The following GRIK1 variants were observed in gnomAD, a reference collection of about 807,000 sequenced individuals.
The protein encoded by GRIK1 is glutamate receptor ionotropic, kainate 1.
In GRIK1, 69 loss-of-function variants were observed where a neutral mutation model predicts 105.7. The observed-to-expected ratio is 0.65, with a 90% CI of 0.54 to 0.80. The LOEUF is 0.80. GRIK1 is among the 30% of genes least tolerant of loss of function. The probability of loss-of-function intolerance (pLI) is 0.00; values close to 1 mark genes in which losing one functional copy is unlikely to be tolerated. For synonymous variants in GRIK1, 438 were observed against 431.3 expected (o/e 1.02, Z -0.19); for missense variants, 1,109 against 1,167.3 (o/e 0.95, Z 0.73).
intron 1 of GRIK1, among the ~76,000 whole-genome samples, chr21:29,901,406 C>A (rs1023865635): frequency 2.6e-4 from 40 of 151,608 alleles, no homozygotes; most frequent in African/African-American, 8.7e-4. Context: ...GCTAGCAAAA[C>A]TAATGAAGAA....
chr21:29,606,381 C>T (rs1424490843), intron 7 of GRIK1, among the ~76,000 whole-genome samples: 1 of 152,124 alleles, frequency 6.6e-6, no homozygotes. Context: ...ATCCACCCAT[C>T]AGCTAGGTGT....
chr21:29,553,443 T>C (rs2090170731), intron 16 of GRIK1: 3 of 1,412,442 alleles, frequency 2.1e-6, no homozygotes, highest in South Asian at 1.8e-5. Flanking sequence ...TTTGCTATCC[T>C]AAAGGAATAG....
chr21:29,706,984 C>A (rs897244600), intron 1 of GRIK1, among the ~76,000 whole-genome samples: 2 of 152,174 alleles, frequency 1.3e-5, no homozygotes, highest in African/African-American at 2.4e-5. Context: ...CCTGCCTCGG[C>A]CTCCAAAGTA....
rs1053322052 is a variant in GRIK1 at position 29,911,676 on chromosome 21, T to C, written c.118+27707A>G. 6.8e-4 allele frequency among the ~76,000 whole-genome samples: 103 copies of C among 151,916 alleles called. 1 individual carries two copies. The highest frequency in any genetic ancestry group is 1.0e-3 in the Non-Finnish European group (69 of 67,934). ...TGAGGTCATTAGAGTGGCAGCCCCA[T>C]AATGAGTGAGATTAGTGCCTTCATA... On this transcript the variant is annotated intron_variant, in intron 1 of 17. Transcript: ENST00000327783.
intron 1 of GRIK1, among the ~76,000 whole-genome samples, chr21:29,756,901 C>G (rs144168875): frequency 6.6e-6 from 1 of 152,032 alleles, no homozygotes; most frequent in African/African-American, 2.4e-5. Flanking sequence ...ATCGTCTGAG[C>G]TCAGGAATTG....
At chr21:29,809,655 G>A (rs992484735) in intron 1 of GRIK1, among the ~76,000 whole-genome samples, 5 of 152,124 alleles carry the variant, frequency 3.3e-5, no homozygotes, top group Non-Finnish European at 5.9e-5. Context: ...CTTCCATCAC[G>A]AACTTTTCTC....
At chr21:29,690,328 A>C (rs1038661002) in intron 2 of GRIK1, among the ~76,000 whole-genome samples, 2 of 152,220 alleles carry the variant, frequency 1.3e-5, no homozygotes, top group Non-Finnish European at 2.9e-5. Flanking sequence ...GTTACCAACA[A>C]GCCCTTTGCC....
chr21:29,861,048 C>T (rs941293655), intron 1 of GRIK1, among the ~76,000 whole-genome samples: 3 of 151,062 alleles, frequency 2.0e-5, no homozygotes, highest in African/African-American at 4.9e-5. Flanking sequence ...TTTTAAATTA[C>T]GTATGTGACT....
At chr21:29,711,503 A>G (rs1012511199) in intron 1 of GRIK1, among the ~76,000 whole-genome samples, 1 of 152,026 alleles carries the variant, frequency 6.6e-6, no homozygotes, top group Non-Finnish European at 1.5e-5. Flanking sequence ...AGGAATCAGT[A>G]ACCCCTTCCC....
chr21:29,906,056 T>C (rs543002064), intron 1 of GRIK1, among the ~76,000 whole-genome samples: 2 of 152,140 alleles, frequency 1.3e-5, no homozygotes, highest in African/African-American at 4.8e-5. Context: ...CAAAGAAATA[T>C]AGAGGACTAT....
At chr21:29,711,262 C>T (rs1041595165) in intron 1 of GRIK1, among the ~76,000 whole-genome samples, 2 of 151,964 alleles carry the variant, frequency 1.3e-5, no homozygotes, top group Non-Finnish European at 2.9e-5. Flanking sequence ...TTTTATTGTA[C>T]CTTTTCTATA....
chr21:29,639,966 T>C (rs1242189215), intron 7 of GRIK1, among the ~76,000 whole-genome samples: 1 of 152,198 alleles, frequency 6.6e-6, no homozygotes, highest in African/African-American at 2.4e-5. Flanking sequence ...AACATGTGTC[T>C]GAAAAGCTTA....
Position 29,634,566 on chromosome 21 carries a change from C to T in GRIK1, c.1098+8260G>A, listed in dbSNP as rs534298457. 7.2e-5 allele frequency among the ~76,000 whole-genome samples: 11 copies of T among 152,254 alleles called. No individual in the cohort carries two copies. The East Asian group carries it at 1.2e-3, about 16-fold the overall frequency. On this transcript the variant is annotated intron_variant, in intron 7 of 17. Transcript: ENST00000327783. ...TTAAAATGCCTGCCGTGTACAGGCA[C>T]GGTGCTCTGAGGACACAAAGATAAA...
chr21:29,663,639 A>T (rs2063008189), intron 4 of GRIK1, among the ~76,000 whole-genome samples: 1 of 152,020 alleles, frequency 6.6e-6, no homozygotes, highest in South Asian at 2.1e-4. Flanking sequence ...TTTGTAACAG[A>T]TTTTTTTTGG....
intron 1 of GRIK1, among the ~76,000 whole-genome samples, chr21:29,896,800 A>G (rs2070182886): frequency 6.6e-6 from 1 of 152,128 alleles, no homozygotes; most frequent in African/African-American, 2.4e-5. Context: ...CCTCGGAATC[A>G]ACACTACAGA....
intron 1 of GRIK1, among the ~76,000 whole-genome samples, chr21:29,843,216 G>A (rs1009095282): frequency 1.3e-5 from 2 of 152,154 alleles, no homozygotes; most frequent in African/African-American, 4.8e-5. Context: ...GCCCTCCAGA[G>A]ATCCCAGGTA....
intron 7 of GRIK1, among the ~76,000 whole-genome samples, chr21:29,626,801 C>G (rs779503499): frequency 3.9e-5 from 6 of 152,154 alleles, no homozygotes; most frequent in African/African-American, 9.7e-5. Context: ...AATGAATCAC[C>G]CAGCATATTT....
chr21:29,746,711 A>G (rs1465877246), intron 1 of GRIK1, among the ~76,000 whole-genome samples: 3 of 152,244 alleles, frequency 2.0e-5, no homozygotes, highest in Non-Finnish European at 4.4e-5. Context: ...ATCATTGAGC[A>G]ACAGGTTTAG....
At chr21:29,684,282 CTATCT>C (rs957367907) in intron 3 of GRIK1, among the ~76,000 whole-genome samples, 6 of 151,946 alleles carry the variant, frequency 3.9e-5, no homozygotes, top group Non-Finnish European at 7.4e-5. Context: ...ATCTATCTAT[CTATCT>C]ATCTATCTAT....
Sources: allele counts gnomAD v4.1 joint callset (sites outside exome capture counted in the v4.1 genomes callset), GRCh38; gene constraint gnomAD v4.1.1; transcripts MANE v1.5; gene names NCBI Gene and HGNC (gene_info 2026-07-23, HGNC 2026-07-21).